The following CCDC171 variants were observed in gnomAD, a reference collection of about 807,000 sequenced individuals.
CCDC171 encodes coiled-coil domain-containing protein 171.
Under a neutral mutation model 168.2 loss-of-function variants are expected in CCDC171, and 177 were observed. The ratio of observed to expected loss-of-function variants is 1.05; its 90% CI spans 0.93 to 1.19. The LOEUF (loss-of-function observed/expected upper bound fraction) is 1.19, where lower values mean the gene tolerates loss of function less well. Ranked by LOEUF, CCDC171 falls within the 50% of genes most tolerant of loss-of-function variation. CCDC171 has a pLI of 0.00. For synonymous variants in CCDC171, 687 were observed against 540.8 expected (o/e 1.27, Z -3.75); for missense variants, 1,991 against 1,539.0 (o/e 1.29, Z -4.91).
chr9:15,795,564 A>G lies in CCDC171; in HGVS notation c.3267+10870A>G, dbSNP rs957096689. Among the ~76,000 whole-genome samples the G allele has an allele frequency of 2.6e-5, 4 of 152,334 alleles. No homozygotes were observed. In the South Asian group the frequency reaches 6.2e-4, roughly 24 times the overall value. On this transcript the variant is annotated intron_variant, in intron 21 of 25. Coordinates refer to ENST00000380701, the MANE Select transcript of CCDC171 (RefSeq NM_173550.4). ...GACTCAACACCAAATGATGAGAAGG[A>G]GCTGAACTCTAATTAGCTCATTGGG...
chr9:15,566,900 G>A (rs527579134), intron 2 of CCDC171, among the ~76,000 whole-genome samples: 2 of 152,246 alleles, frequency 1.3e-5, no homozygotes, highest in Admixed American at 1.3e-4. Flanking sequence ...AGTTGTTCCA[G>A]CAGCGTTGTT....
intron 21 of CCDC171, among the ~76,000 whole-genome samples, chr9:15,844,965 T>C (rs1453676218): frequency 6.6e-6 from 1 of 152,090 alleles, no homozygotes; most frequent in Non-Finnish European, 1.5e-5. Flanking sequence ...ATAAGAGTTA[T>C]TGAGCAGAAG....
intron 3 of CCDC171, 130 bp downstream of exon 3, chr9:15,571,889 A>G: frequency 1.4e-6 from 1 of 727,200 alleles, no homozygotes; most frequent in Admixed American, 3.7e-5. Flanking sequence ...AAATTGTAAT[A>G]AAGGAAACAT....
chr9:16,036,598 C>T (rs1046971199), intron 8 of CCDC171, among the ~76,000 whole-genome samples: 1 of 152,290 alleles, frequency 6.6e-6, no homozygotes, highest in South Asian at 2.1e-4. Context: ...GAGTGGAGAT[C>T]GCGCCACTGC....
chr9:15,725,836 T>C (rs1349206231), intron 14 of CCDC171, among the ~76,000 whole-genome samples: 1 of 152,178 alleles, frequency 6.6e-6, no homozygotes, highest in Non-Finnish European at 1.5e-5. Flanking sequence ...TTAATAAAAA[T>C]TTAGAAAAAT....
At chr9:16,001,837 CTTTT>C (rs35583305) in intron 3 of CCDC171, among the ~76,000 whole-genome samples, 1 of 128,004 alleles carries the variant, frequency 7.8e-6, no homozygotes, top group Non-Finnish European at 1.7e-5. Context: ...GATTTATTAT[CTTTT>C]TTTTTTTTTT....
chr9:16,048,378 C>T (rs1011623731), intron 1 of CCDC171, among the ~76,000 whole-genome samples: 3 of 152,146 alleles, frequency 2.0e-5, no homozygotes, highest in Non-Finnish European at 4.4e-5. Context: ...GGGAGGATGG[C>T]AGGTTGCCTT....
At position 15,805,797 on chromosome 9, in the gene CCDC171, A is replaced by G. The variant is rs770465465; in HGVS notation, c.3267+21103A>G. 3.8e-4 allele frequency among the ~76,000 whole-genome samples: 58 copies of G among 152,250 alleles called. 1 individual carries two copies. Among genetic ancestry groups the G allele is most frequent in the Non-Finnish European group, 8.4e-4 (57 of 68,002 alleles). ...CCTGAGCTAAGTTCAGGTCCTGAATATCCTTGTTAATTTTCTGTCTGATAA... is the reference window on the plus strand; with the variant it reads ...CCTGAGCTAAGTTCAGGTCCTGAATGTCCTTGTTAATTTTCTGTCTGATAA... On this transcript the variant is annotated intron_variant, in intron 21 of 25. Coordinates refer to ENST00000380701, the MANE Select transcript of CCDC171 (RefSeq NM_173550.4).
At chr9:16,071,608 G>T in the CCDC171 span, among the ~76,000 whole-genome samples, 1 of 152,236 alleles carries the variant, frequency 6.6e-6, no homozygotes, top group African/African-American at 2.4e-5. Flanking sequence ...AGCACAGCTG[G>T]CTGAGGTTGG....
intron 6 of CCDC171, among the ~76,000 whole-genome samples, chr9:15,608,972 A>AAAAAAAAAG (rs2043439483): frequency 6.8e-6 from 1 of 146,350 alleles, no homozygotes; most frequent in Admixed American, 6.8e-5. Context: ...AAAAAAAAAA[A>AAAAAAAAAG]GAGTGGTTTT....
At chr9:15,644,184 A>G (rs879700571) in intron 7 of CCDC171, among the ~76,000 whole-genome samples, 2 of 152,204 alleles carry the variant, frequency 1.3e-5, no homozygotes, top group African/African-American at 2.4e-5. Context: ...TTACATTCCT[A>G]TCAGTAATGT....
intron 6 of CCDC171, among the ~76,000 whole-genome samples, chr9:16,028,285 A>G (rs902784038): frequency 6.6e-6 from 1 of 152,218 alleles, no homozygotes; most frequent in African/African-American, 2.4e-5. Flanking sequence ...CAGTGTTCCC[A>G]GAAGAATGAT....
At chr9:15,839,926 A>T (rs1171693207) in intron 21 of CCDC171, among the ~76,000 whole-genome samples, 2 of 152,142 alleles carry the variant, frequency 1.3e-5, no homozygotes, top group Non-Finnish European at 2.9e-5. Flanking sequence ...TTTACATTTA[A>T]GTCTAAAATA....
intron 21 of CCDC171, among the ~76,000 whole-genome samples, chr9:15,838,264 AT>A (rs2060533114): frequency 6.6e-6 from 1 of 152,216 alleles, no homozygotes; most frequent in South Asian, 2.1e-4. Flanking sequence ...TTTGAAAATC[AT>A]TTTTAACATA....
chr9:15,703,247 T>G (rs2051917546), intron 11 of CCDC171, among the ~76,000 whole-genome samples: 1 of 152,190 alleles, frequency 6.6e-6, no homozygotes, highest in South Asian at 2.1e-4. Flanking sequence ...GAGAATGTTG[T>G]GGCTGGTTTG....
intron 24 of CCDC171, among the ~76,000 whole-genome samples, chr9:15,904,321 G>T (rs60018251): frequency 4.6e-5 from 7 of 152,164 alleles, no homozygotes; most frequent in Admixed American, 2.0e-4. Flanking sequence ...GACTAACAGT[G>T]GATCTCTCGG....
intron 6 of CCDC171, among the ~76,000 whole-genome samples, chr9:15,611,180 T>A (rs1444963130): frequency 6.6e-6 from 1 of 152,174 alleles, no homozygotes; most frequent in Non-Finnish European, 1.5e-5. Flanking sequence ...CCTTCTACCA[T>A]GATTGTAAAT....
intron 21 of CCDC171, among the ~76,000 whole-genome samples, chr9:15,807,389 T>C (rs2059128576): frequency 6.6e-6 from 1 of 152,234 alleles, no homozygotes; most frequent in Non-Finnish European, 1.5e-5. Context: ...TATAGAGTAT[T>C]GGACTTTATT....
chr9:15,988,071 G>A (rs1832054098), intron 3 of CCDC171, among the ~76,000 whole-genome samples: 1 of 152,074 alleles, frequency 6.6e-6, no homozygotes, highest in Non-Finnish European at 1.5e-5. Flanking sequence ...TCACACATCA[G>A]TACTTAACAA....
Sources: gnomAD v4.1 joint callset for allele counts (sites outside exome capture counted in the v4.1 genomes callset) on GRCh38, gnomAD v4.1.1 for gene constraint, MANE v1.5 for transcripts, NCBI Gene and HGNC (gene_info 2026-07-23, HGNC 2026-07-21) for gene names.